Variants in LIFR observed in about 807,000 individuals in gnomAD.
LIFR encodes LIF receptor subunit alpha.
A neutral mutation model predicts 122.2 loss-of-function variants in LIFR; 84 were observed. The ratio of observed to expected loss-of-function variants is 0.69; its 90% confidence interval spans 0.58 to 0.82. LIFR has a LOEUF of 0.82. LIFR is among the 40% of genes least tolerant of loss of function. LIFR has a pLI of 0.00. For missense variants in LIFR, 1,294 were observed against 1,311.6 expected, an observed-to-expected ratio of 0.99 and a Z score of 0.21; for synonymous variants, 422 against 434.7, an observed-to-expected ratio of 0.97 and a Z score of 0.36.
intron 1 of LIFR, among the ~76,000 whole-genome samples, chr5:38,536,623 C>T (rs1318453824): frequency 6.6e-6 from 1 of 152,154 alleles, no homozygotes; most frequent in South Asian, 2.1e-4. Context: ...TACTAAAGTG[C>T]TTGATCATAA....
intron 1 of LIFR, among the ~76,000 whole-genome samples, chr5:38,591,054 G>T (rs982401144): frequency 6.6e-6 from 1 of 152,198 alleles, no homozygotes; most frequent in Non-Finnish European, 1.5e-5. Flanking sequence ...TCTGAAGGAA[G>T]GGCTTGCAGC....
chr5:38,572,197 A>G (rs1481489445), intron 1 of LIFR, among the ~76,000 whole-genome samples: 1 of 152,258 alleles, frequency 6.6e-6, no homozygotes, highest in Non-Finnish European at 1.5e-5. Flanking sequence ...CAGGCTATAC[A>G]GGAAGCATAG....
At chr5:38,546,289 ATCCAG>A (rs1335070729) in intron 1 of LIFR, among the ~76,000 whole-genome samples, 3 of 152,340 alleles carry the variant, frequency 2.0e-5, no homozygotes, top group East Asian at 3.9e-4. Context: ...AAAACTGAAT[ATCCAG>A]TATGACCTGA....
chr5:38,559,261 G>A (rs1748741733), upstream of LIFR: 1 of 152,208 alleles, frequency 6.6e-6, no homozygotes, highest in South Asian at 2.1e-4. Flanking sequence ...AAGAGTTGCG[G>A]TATACGCACT....
chr5:38,581,852 T>C (rs1295173061), intron 1 of LIFR, among the ~76,000 whole-genome samples: 1 of 152,130 alleles, frequency 6.6e-6, no homozygotes, highest in Non-Finnish European at 1.5e-5. Context: ...AATAATGTGA[T>C]CTCGCACAGT....
At chr5:38,506,407 TG>T in intron 8 of LIFR, 95 bp downstream of exon 8, 1 of 1,435,478 alleles carries the variant, frequency 7.0e-7, no homozygotes, top group Non-Finnish European at 9.8e-7. Context: ...ATATCTTGTT[TG>T]TAACATAAAT....
chr5:38,556,780 G>A (rs1257335504), upstream of LIFR: 3 of 144,428 alleles, frequency 2.1e-5, no homozygotes, highest in African/African-American at 7.5e-5. Context: ...CCGGCCGCGC[G>A]CCCGCGCGCG....
intron 18 of LIFR, among the ~76,000 whole-genome samples, chr5:38,483,683 C>A (rs1744120637): frequency 6.6e-6 from 1 of 152,194 alleles, no homozygotes; most frequent in African/African-American, 2.4e-5. Flanking sequence ...CCTGCCTTGG[C>A]CTCCCAGAGT....
At chr5:38,561,576 TA>T (rs1748841011), upstream of LIFR, among the ~76,000 whole-genome samples, 2 of 152,330 alleles carry the variant, frequency 1.3e-5, no homozygotes, top group South Asian at 4.1e-4. Flanking sequence ...GAAGTTGTCT[TA>T]TTGTAGACCA....
At chr5:38,507,996 ACT>A (rs1464996646) in intron 7 of LIFR, among the ~76,000 whole-genome samples, 3 of 152,196 alleles carry the variant, frequency 2.0e-5, no homozygotes, top group Non-Finnish European at 4.4e-5. Context: ...ATATTCAGTC[ACT>A]CTATTAAAAC....
At chr5:38,499,045 G>C (rs898043171) in intron 12 of LIFR, among the ~76,000 whole-genome samples, 2 of 151,886 alleles carry the variant, frequency 1.3e-5, no homozygotes, top group African/African-American at 4.8e-5. Context: ...AGAAAAATTA[G>C]TAAAATATGC....
At chr5:38,598,461 G>T (rs1580251241), upstream of LIFR, among the ~76,000 whole-genome samples, 1 of 151,278 alleles carries the variant, frequency 6.6e-6, no homozygotes, top group African/African-American at 2.4e-5. Flanking sequence ...GGTCAGGCTG[G>T]TCTTAAACTC....
intron 1 of LIFR, among the ~76,000 whole-genome samples, chr5:38,591,457 C>CA (rs1749918703): frequency 6.6e-6 from 1 of 152,200 alleles, no homozygotes; most frequent in South Asian, 2.1e-4. Context: ...AAGAGGTATT[C>CA]AGCTGAGGAC....
intron 1 of LIFR, among the ~76,000 whole-genome samples, chr5:38,578,231 A>AGTTT (rs1400711083): frequency 2.8e-4 from 30 of 107,084 alleles, no homozygotes; most frequent in African/African-American, 9.6e-4. Context: ...TTTGAGACAG[A>AGTTT]GTTTTGCTCT....
chr5:38,589,741 T>TGC (rs72156220), intron 1 of LIFR, among the ~76,000 whole-genome samples: 2 of 151,870 alleles, frequency 1.3e-5, no homozygotes, highest in East Asian at 3.9e-4. Flanking sequence ...TGTGTGTGTG[T>TGC]GTGTGTGTGT....
At chr5:38,518,594 C>T (rs1404895380) in intron 5 of LIFR, among the ~76,000 whole-genome samples, 1 of 152,152 alleles carries the variant, frequency 6.6e-6, no homozygotes, top group Non-Finnish European at 1.5e-5. Flanking sequence ...ACATACTGTG[C>T]TGCTGGTATA....
intron 1 of LIFR, among the ~76,000 whole-genome samples, chr5:38,594,013 C>G (rs899410079): frequency 1.3e-5 from 2 of 152,044 alleles, no homozygotes; most frequent in African/African-American, 4.8e-5. Flanking sequence ...AAAGTATATG[C>G]TAGATGGATA....
At chr5:38,497,820 T>C (rs191797508) in intron 12 of LIFR, among the ~76,000 whole-genome samples, 58 of 152,316 alleles carry the variant, frequency 3.8e-4, no homozygotes, top group African/African-American at 1.4e-3. Flanking sequence ...TTTTCATGGT[T>C]TTATGTCTTA....
In LIFR at chr5:38,510,560, T is replaced by C. The variant is rs764889876; in HGVS notation, c.895A>G (p.Ile299Val). 2 of 1,614,040 alleles carry C rather than the reference T, an allele frequency of 1.2e-6. No homozygotes were observed. Among genetic ancestry groups the C allele is most frequent in the South Asian group, 1.1e-5 (1 of 91,080 alleles). Residue 299 changes from isoleucine to valine, a missense_variant, in exon 7 of 20, where the codon ATC (isoleucine) becomes GTC (valine). Transcript: ENST00000453190. ...LIHLDGENVA[I>V]KIRNISVSAS... ...GAAACAGAAATATTACGAATCTTGA[T>C]TGCAACATTTTCCCCATCAAGATGG...
Sources: gnomAD v4.1 joint callset for allele counts (sites outside exome capture counted in the v4.1 genomes callset) on GRCh38, gnomAD v4.1.1 for gene constraint, MANE v1.5 for transcripts, NCBI Gene and HGNC (gene_info 2026-07-23, HGNC 2026-07-21) for gene names.